The following TRPM3 variants were observed in gnomAD, a reference collection of about 807,000 sequenced individuals.
The protein encoded by TRPM3 is transient receptor potential cation channel subfamily M member 3.
Under a neutral mutation model 181.2 loss-of-function variants are expected in TRPM3, and 77 were observed. That is an observed-to-expected ratio of 0.42 (90% CI 0.35 to 0.51). The LOEUF is 0.51. Ranked by LOEUF, TRPM3 falls within the 20% of genes least tolerant of loss-of-function variation. TRPM3 has a pLI of 0.01. For synonymous variants in TRPM3, 745 were observed against 796.4 expected (o/e 0.94, Z 1.09); for missense variants, 1,759 against 2,196.7 (o/e 0.80, Z 3.98).
At chr9:71,395,377 G>C (rs7870420) in intron 1 of TRPM3, among the ~76,000 whole-genome samples, 29,183 of 152,084 alleles carry the variant, frequency 0.19, 3,114 homozygotes, top group African/African-American at 0.27. Flanking sequence ...AATGATAAAT[G>C]CTATCATGTA....
At chr9:71,183,134 G>T (rs558476306) in intron 1 of TRPM3, among the ~76,000 whole-genome samples, 2 of 151,800 alleles carry the variant, frequency 1.3e-5, no homozygotes, top group Admixed American at 6.6e-5. Context: ...TGTATTTTAC[G>T]TTATTCAACA....
chr9:71,134,004 TGTGTGTGTGTGCGCGTGC>T (rs1377829440), intron 1 of TRPM3, among the ~76,000 whole-genome samples: 179 of 77,822 alleles, frequency 2.3e-3, no homozygotes, highest in East Asian at 2.5e-3. Flanking sequence ...TGTGTGTGTG[TGTGTGTGTGTGCGCGTGC>T]GCGCGCGCGC....
intron 1 of TRPM3, among the ~76,000 whole-genome samples, chr9:71,382,665 T>C (rs2092829185): frequency 6.6e-6 from 1 of 150,516 alleles, no homozygotes; most frequent in Non-Finnish European, 1.5e-5. Flanking sequence ...CGAAGAGCAA[T>C]ATAACTTTTA....
chr9:71,230,071 T>A (rs1028538952), intron 1 of TRPM3, among the ~76,000 whole-genome samples: 2 of 152,098 alleles, frequency 1.3e-5, no homozygotes, highest in African/African-American at 4.8e-5. Flanking sequence ...GGTACCTATA[T>A]ACAATGGAGT....
intron 1 of TRPM3, among the ~76,000 whole-genome samples, chr9:71,412,374 T>C (rs924684488): frequency 6.6e-6 from 1 of 152,034 alleles, no homozygotes; most frequent in East Asian, 1.9e-4. Flanking sequence ...ATATCCAGAA[T>C]CTACAAAGAA....
At chr9:71,048,617 A>G (rs1270023925) in intron 1 of TRPM3, among the ~76,000 whole-genome samples, 2 of 152,214 alleles carry the variant, frequency 1.3e-5, no homozygotes, top group African/African-American at 4.8e-5. Flanking sequence ...TCCGGCCAGA[A>G]GGTAGAACCA....
chr9:71,061,920 C>T (rs182640708), intron 1 of TRPM3, among the ~76,000 whole-genome samples: 4 of 151,926 alleles, frequency 2.6e-5, no homozygotes, highest in South Asian at 2.1e-4. Context: ...TAATGGGGAC[C>T]CCTGACATAG....
At chr9:71,314,709 G>A (rs1386777691) in intron 1 of TRPM3, among the ~76,000 whole-genome samples, 1 of 152,028 alleles carries the variant, frequency 6.6e-6, no homozygotes, top group African/African-American at 2.4e-5. Context: ...CCCCCAACTA[G>A]AACAAGTAAA....
chr9:71,320,464 C>A (rs79278321), intron 1 of TRPM3, among the ~76,000 whole-genome samples: 3,520 of 152,228 alleles, frequency 0.023, 126 homozygotes, highest in African/African-American at 0.08. Context: ...TGGTCAGAGA[C>A]AAGAGAAGGG....
intron 1 of TRPM3, among the ~76,000 whole-genome samples, chr9:71,210,273 C>T (rs755733350): frequency 2.0e-5 from 3 of 152,188 alleles, no homozygotes; most frequent in Non-Finnish European, 4.4e-5. Context: ...CCATCACCCC[C>T]GGATGGGGCT....
chr9:71,414,100 G>A (rs1247066127), intron 1 of TRPM3, among the ~76,000 whole-genome samples: 1 of 151,988 alleles, frequency 6.6e-6, no homozygotes, highest in Non-Finnish European at 1.5e-5. Flanking sequence ...CGCACTTATT[G>A]TAGTGCCATT....
chr9:71,123,297 G>T (rs976890010), upstream of TRPM3, among the ~76,000 whole-genome samples: 1 of 152,208 alleles, frequency 6.6e-6, no homozygotes, highest in Non-Finnish European at 1.5e-5. Flanking sequence ...TGATGTTGAT[G>T]TATTAGTTAA....
intron 1 of TRPM3, among the ~76,000 whole-genome samples, chr9:70,871,381 T>C (rs2095786966): frequency 6.6e-6 from 1 of 152,004 alleles, no homozygotes; most frequent in African/African-American, 2.4e-5. Context: ...TAAATATTGC[T>C]TATGTATTTT....
At chr9:71,131,123 A>G (rs1045942089) in intron 1 of TRPM3, among the ~76,000 whole-genome samples, 1 of 152,164 alleles carries the variant, frequency 6.6e-6, no homozygotes, top group African/African-American at 2.4e-5. Flanking sequence ...TCTCTCTCCA[A>G]CCTCAACTCT....
intron 1 of TRPM3, among the ~76,000 whole-genome samples, chr9:71,236,907 C>G (rs913705559): frequency 6.6e-6 from 1 of 151,794 alleles, no homozygotes; most frequent in African/African-American, 2.4e-5. Flanking sequence ...ATTAGCCAGT[C>G]GTGATGGTGG....
At chr9:70,743,302 T>C (rs1179906189) in intron 8 of TRPM3, among the ~76,000 whole-genome samples, 1 of 152,228 alleles carries the variant, frequency 6.6e-6, no homozygotes, top group Non-Finnish European at 1.5e-5. Context: ...TTCACCTTTT[T>C]GTCATATTGA....
chr9:70,597,211 G>T (rs2059176460), intron 21 of TRPM3, among the ~76,000 whole-genome samples: 1 of 152,120 alleles, frequency 6.6e-6, no homozygotes, highest in Admixed American at 6.5e-5. Flanking sequence ...AGGATTACAG[G>T]TGTGAGCCAC....
At chr9:71,007,093 G>GAAAA (rs71507021) in intron 1 of TRPM3, among the ~76,000 whole-genome samples, 28 of 94,060 alleles carry the variant, frequency 3.0e-4, no homozygotes, top group Admixed American at 1.5e-3. Context: ...GTCAGGAACA[G>GAAAA]AAAAAAAAAA....
At chr9:71,070,173 G>C (rs1023179147) in intron 1 of TRPM3, among the ~76,000 whole-genome samples, 3 of 152,178 alleles carry the variant, frequency 2.0e-5, no homozygotes, top group Non-Finnish European at 2.9e-5. Context: ...TCAGTAATTT[G>C]TTTCTGAAAT....
Sources: allele counts gnomAD v4.1 joint callset (sites outside exome capture counted in the v4.1 genomes callset), GRCh38; gene constraint gnomAD v4.1.1; transcripts MANE v1.5; gene names NCBI Gene and HGNC (gene_info 2026-07-23, HGNC 2026-07-21).